Variants in LRRC56 observed in about 807,000 individuals in gnomAD.
LRRC56 encodes leucine-rich repeat-containing protein 56.
In LRRC56, 41 loss-of-function variants were observed where a neutral mutation model predicts 47.8. The observed-to-expected ratio is 0.86, with a 90% CI of 0.67 to 1.11. The LOEUF (loss-of-function observed/expected upper bound fraction) is 1.11. LRRC56 is among the 50% of genes most tolerant of loss of function. The pLI, the probability that LRRC56 is intolerant of heterozygous loss-of-function variation, is 0.00. For synonymous variants in LRRC56, 387 were observed against 311.2 expected, an observed-to-expected ratio of 1.24 and a Z score of -2.56; for missense variants, 759 against 704.2, an observed-to-expected ratio of 1.08 and a Z score of -0.88.
At chr11:522,359 G>T in the LRRC56 span, among the ~76,000 whole-genome samples, 1 of 152,060 alleles carries the variant, frequency 6.6e-6, no homozygotes, top group Admixed American at 6.6e-5. Flanking sequence ...TCTGCCTCCC[G>T]GGTTCAGGCC....
At chr11:528,642 G>A in the LRRC56 span, 2 of 152,212 alleles carry the variant, frequency 1.3e-5, no homozygotes, top group Non-Finnish European at 2.9e-5. Context: ...GTGCCTCCGC[G>A]GGTGCTCTGA....
the LRRC56 span, chr11:507,425 T>TCG: frequency 7.5e-6 from 1 of 132,644 alleles, no homozygotes; most frequent in Non-Finnish European, 1.6e-5. Context: ...GAGGGAGGTC[T>TCG]CGCTTGGGGG....
rs1852311417 is a variant in LRRC56, at chr11:550,196, T to C, written c.548T>C (p.Leu183Pro). ...EDLGQVRYLQ[L>P]CPRLAMLTLE... Reference sequence around the variant, plus strand: ...CTGGGGCAGGTGCGCTACTTGCAGCTGTGCCCACGCCTGGCCATGCTCACC... The same window carrying C: ...CTGGGGCAGGTGCGCTACTTGCAGCCGTGCCCACGCCTGGCCATGCTCACC... The change falls in exon 8 of 14, where the codon CTG becomes CCG. Residue 183 changes from leucine to proline, a missense_variant. Coordinates refer to ENST00000270115, the MANE Select transcript of LRRC56 (RefSeq NM_198075.4). 1 of 1,612,904 alleles carries C rather than the reference T, an allele frequency of 6.2e-7. No individual in the cohort carries two copies. Among genetic ancestry groups the C allele is most frequent in the Non-Finnish European group, 8.5e-7 (1 of 1,179,784 alleles).
intron 4 of LRRC56, 64 bp downstream of exon 4, chr11:540,925 T>A (rs1464355554): frequency 2.3e-6 from 3 of 1,313,976 alleles, no homozygotes; most frequent in African/African-American, 1.5e-5. Flanking sequence ...CCAGGGCTCC[T>A]TCCTGCTGAT....
At chr11:534,409 G>GCCCAGC (rs544630615), upstream of LRRC56, 1 of 732,698 alleles carries the variant, frequency 1.4e-6, no homozygotes, top group South Asian at 2.0e-5. Context: ...CCAGGCCCAG[G>GCCCAGC]CCCAGCCCCA....
At chr11:526,516 C>T in the LRRC56 span, among the ~76,000 whole-genome samples, 11 of 152,214 alleles carry the variant, frequency 7.2e-5, no homozygotes, top group African/African-American at 2.7e-4. Flanking sequence ...AACTGAAAGT[C>T]TACGTCCTCG....
chr11:551,390 A>G, intron 9 of LRRC56, 88 bp downstream of exon 9: 1 of 941,948 alleles, frequency 1.1e-6, no homozygotes, highest in Non-Finnish European at 1.6e-6. Flanking sequence ...AGAAACGGAT[A>G]GCCACATCTC....
upstream of LRRC56, among the ~76,000 whole-genome samples, chr11:535,725 C>A (rs1281324385): frequency 3.3e-5 from 5 of 152,192 alleles, no homozygotes; most frequent in South Asian, 2.1e-4. Flanking sequence ...ACGCGGGAGG[C>A]GGAGCCAGTA....
chr11:549,677 C>A lies in LRRC56; in HGVS notation c.327-225C>A, dbSNP rs975556730. ...AGCGCCTTGGGCACAGCTGAGCCAC[C>A]GGTCACGAGGGCAGCTCCCCAAGCC... On this transcript the variant is annotated intron_variant, in intron 6 of 13. Transcript: ENST00000270115. 2.0e-5 allele frequency among the ~76,000 whole-genome samples: 3 copies of A among 152,242 alleles called. No homozygotes were observed. In the East Asian group the frequency reaches 5.8e-4, roughly 29 times the overall value.
chr11:542,646 G>A (rs1187970381), intron 5 of LRRC56, among the ~76,000 whole-genome samples: 1 of 145,674 alleles, frequency 6.9e-6, no homozygotes, highest in Non-Finnish European at 1.5e-5. Flanking sequence ...CTCTTTCGCC[G>A]TGTTCACGGT....
In LRRC56 at chr11:553,983, C is replaced by T; in HGVS notation, c.1336C>T (p.Gln446Ter). 6.2e-7 allele frequency: 1 copy of T among 1,612,212 alleles called. No homozygotes were observed. The highest frequency in any genetic ancestry group is 8.5e-7 in the Non-Finnish European group (1 of 1,179,690). ...LASEPSGTSSQHLVPSPPKHP... is the reference protein window; with the variant it reads ...LASEPSGTSS ...TCTAGAGCCCTCCGGGACCTCGAGCCAGCACCTGGTCCCTTCACCTCCCAA... is the reference window on the plus strand; with the variant it reads ...TCTAGAGCCCTCCGGGACCTCGAGCTAGCACCTGGTCCCTTCACCTCCCAA... The change falls in exon 14 of 14, where the codon CAG (glutamine) becomes TAG (stop). Residue 446 changes from glutamine to a stop codon, truncating the protein, a stop_gained. Transcript: ENST00000270115. LOFTEE classifies it low-confidence loss of function (END_TRUNC).
chr11:523,750 G>A, the LRRC56 span, among the ~76,000 whole-genome samples: 1 of 151,700 alleles, frequency 6.6e-6, no homozygotes, highest in Non-Finnish European at 1.5e-5. Context: ...GGCCAATATG[G>A]TGAAATCCTG....
the LRRC56 span, among the ~76,000 whole-genome samples, chr11:517,758 G>A: frequency 6.6e-6 from 1 of 152,158 alleles, no homozygotes; most frequent in Non-Finnish European, 1.5e-5. Context: ...AGAAAGAGAG[G>A]TCAGATTGTT....
intron 9 of LRRC56, 105 bp from the exon 10 acceptor site, chr11:551,546 C>T: frequency 8.0e-7 from 1 of 1,252,740 alleles, no homozygotes; most frequent in Non-Finnish European, 1.1e-6. Flanking sequence ...AGAGGCCAGC[C>T]TCAGGCCATG....
At chr11:518,901 GC>G in the LRRC56 span, among the ~76,000 whole-genome samples, 6 of 131,588 alleles carry the variant, frequency 4.6e-5, no homozygotes, top group Admixed American at 2.3e-4. Flanking sequence ...AGGGACCGGG[GC>G]GGGGGGGCGT....
chr11:542,213 AGT>A, intron 5 of LRRC56, among the ~76,000 whole-genome samples: 1 of 150,858 alleles, frequency 6.6e-6, no homozygotes, highest in Non-Finnish European at 1.5e-5. Context: ...CACCCACGCC[AGT>A]ACCCCCGGCA....
the LRRC56 span, among the ~76,000 whole-genome samples, chr11:513,564 G>A: frequency 6.4e-4 from 97 of 152,252 alleles, no homozygotes; most frequent in Admixed American, 1.4e-3. Flanking sequence ...GTACAGCAGC[G>A]ATAGGGTTCG....
chr11:533,744 G>T (rs917139551), upstream of LRRC56: 12 of 1,612,952 alleles, frequency 7.4e-6, no homozygotes, highest in Non-Finnish European at 1.0e-5. Flanking sequence ...GTGGGCTCCC[G>T]GGCCAGCCTC....
chr11:531,109 A>G, the LRRC56 span, among the ~76,000 whole-genome samples: 1 of 141,026 alleles, frequency 7.1e-6, no homozygotes, highest in Non-Finnish European at 1.5e-5. Flanking sequence ...CGTCCCCTGG[A>G]GAGAAGGGGG....
Sources: gnomAD v4.1 joint callset for allele counts (sites outside exome capture counted in the v4.1 genomes callset) on GRCh38, gnomAD v4.1.1 for gene constraint, MANE v1.5 for transcripts, NCBI Gene and HGNC (gene_info 2026-07-23, HGNC 2026-07-21) for gene names.